CDS1: variants seen among roughly 807,000 people sequenced by gnomAD.
CDS1 encodes phosphatidate cytidylyltransferase 1.
In CDS1, 41 loss-of-function variants were observed where a neutral mutation model predicts 62.1. The observed-to-expected ratio is 0.66, with a 90% CI of 0.51 to 0.86. CDS1 has a LOEUF of 0.86. CDS1 is among the 40% of genes least tolerant of loss of function. The probability of loss-of-function intolerance (pLI) is 0.00; values close to 1 mark genes in which losing one functional copy is unlikely to be tolerated. For synonymous variants in CDS1, 185 were observed against 192.6 expected (o/e 0.96, Z 0.32); for missense variants, 470 against 550.1 (o/e 0.85, Z 1.46).
chr4:84,630,335 A>G (rs1279633510), intron 5 of CDS1, among the ~76,000 whole-genome samples: 5 of 152,100 alleles, frequency 3.3e-5, no homozygotes, highest in African/African-American at 1.2e-4. Flanking sequence ...ATGTGTCCCT[A>G]TTGCTTGTGC....
chr4:84,637,680 G>A (rs551405474), intron 8 of CDS1, among the ~76,000 whole-genome samples: 6 of 152,278 alleles, frequency 3.9e-5, no homozygotes, highest in Non-Finnish European at 7.4e-5. Context: ...TATAGCTGTG[G>A]AAGAATATTA....
At chr4:84,605,224 CA>C (rs1248998954) in intron 2 of CDS1, among the ~76,000 whole-genome samples, 8 of 152,148 alleles carry the variant, frequency 5.3e-5, no homozygotes, top group Non-Finnish European at 1.2e-4. Context: ...CCAAGACACA[CA>C]AATGTATATT....
At chr4:84,620,480 C>CCAAA (rs1385920378) in intron 5 of CDS1, among the ~76,000 whole-genome samples, 3 of 151,786 alleles carry the variant, frequency 2.0e-5, no homozygotes, top group Non-Finnish European at 2.9e-5. Context: ...CCTCAGCCTC[C>CCAAA]CAAAGTGCTG....
chr4:84,628,690 GCT>G (rs1242272652), intron 5 of CDS1, among the ~76,000 whole-genome samples: 1 of 152,104 alleles, frequency 6.6e-6, no homozygotes, highest in Non-Finnish European at 1.5e-5. Context: ...GTGCTGTCCT[GCT>G]CAGCTAATTT....
chr4:84,648,490 G>A (rs1228426404), intron 12 of CDS1, 67 bp from the exon 13 acceptor site: 1 of 1,413,750 alleles, frequency 7.1e-7, no homozygotes, highest in Non-Finnish European at 9.8e-7. Context: ...TTTTAAATTG[G>A]AGGTATGTGC....
In CDS1 at chr4:84,608,858, T is replaced by C. The variant is rs1405238432; in HGVS notation, c.246-571T>C. On this transcript the variant is annotated intron_variant, in intron 2 of 12. Coordinates refer to ENST00000295887, the MANE Select transcript of CDS1 (RefSeq NM_001263.4). ...CACCTAACGTCCTAACCTCACGGTTTATTCCCCACTCACATTTAACAAAAA... is the reference window on the plus strand; with the variant it reads ...CACCTAACGTCCTAACCTCACGGTTCATTCCCCACTCACATTTAACAAAAA... Among the ~76,000 whole-genome samples, 5 of 152,124 alleles carry C rather than the reference T, an allele frequency of 3.3e-5. No individual in the cohort carries two copies. The East Asian group carries it at 9.7e-4, about 30-fold the overall frequency.
intron 3 of CDS1, among the ~76,000 whole-genome samples, chr4:84,614,705 G>A (rs1042128047): frequency 1.3e-5 from 2 of 152,064 alleles, no homozygotes; most frequent in African/African-American, 4.8e-5. Context: ...TCTATGCAAA[G>A]CATTTTATTT....
At chr4:84,602,375 AC>A (rs1277642500) in intron 1 of CDS1, among the ~76,000 whole-genome samples, 1 of 152,208 alleles carries the variant, frequency 6.6e-6, no homozygotes, top group Non-Finnish European at 1.5e-5. Context: ...TGCAAAGTGG[AC>A]TTTGAAGTGG....
At chr4:84,595,776 CCTT>C (rs1279447390) in intron 1 of CDS1, among the ~76,000 whole-genome samples, 6 of 152,132 alleles carry the variant, frequency 3.9e-5, no homozygotes, top group Non-Finnish European at 8.8e-5. Context: ...GAGTGAAACT[CCTT>C]AATTTTCTCT....
rs1578060395 is a variant in CDS1 at position 84,649,504 on chromosome 4, T to C, written c.*818T>C. ...AAACGGTGACCTGTGGCCTGGGCCA[T>C]CTCTTCGTCATGTGCTTCACTTTTC... On this transcript the variant is annotated 3_prime_UTR_variant, in exon 13 of 13. Coordinates refer to ENST00000295887, the MANE Select transcript of CDS1 (RefSeq NM_001263.4). The C allele has an allele frequency of 6.5e-6, 1 of 153,002 alleles. No individual in the cohort carries two copies. The highest frequency in any genetic ancestry group is 1.9e-4 in the East Asian group (1 of 5,202). 9.5% of individuals were successfully genotyped at this position (153,002 alleles called of 1,614,324 possible).
intron 11 of CDS1, among the ~76,000 whole-genome samples, chr4:84,644,833 T>A (rs1014615323): frequency 1.3e-5 from 2 of 152,246 alleles, no homozygotes; most frequent in Non-Finnish European, 2.9e-5. Flanking sequence ...GAACCAGTTG[T>A]ACATCTTTTA....
rs1723606073 is a variant in CDS1 at position 84,619,479 on chromosome 4, C to G, written c.526C>G (p.Leu176Val). ...TACATTTGTTCAAAGAGAAGAACAA[C>G]TTCAGTTCCTCATTCGCTACCATAG... Reference protein sequence around the residue: ...FATFVQREEQLQFLIRYHRFI... With the variant: ...FATFVQREEQVQFLIRYHRFI... Residue 176 changes from leucine to valine, a missense_variant, in exon 5 of 13, where the codon CTT becomes GTT. Around this residue, in one of 5 missense-constraint regions of CDS1, gnomAD observed 214 missense variants for 242.4 expected, o/e 0.88. Coordinates refer to ENST00000295887, the MANE Select transcript of CDS1 (RefSeq NM_001263.4). 6.2e-7 allele frequency: 1 copy of G among 1,603,838 alleles called. No homozygotes were observed. The highest frequency in any genetic ancestry group is 1.3e-5 in the African/African-American group (1 of 74,736).
Position 84,635,327 on chromosome 4 carries a change from T to A in CDS1, c.786T>A (p.Phe262Leu). ...TAACTGCTTACCTTTTTGGATTTTT[T>A]TTTGGGAGAACTCCATTAATTAAGG... ...NDITAYLFGF[F>L]FGRTPLIKLS... is the part of the protein sequence containing the mutation. The change falls in exon 8 of 13, where the codon TTT (phenylalanine) becomes TTA (leucine). Residue 262 changes from phenylalanine (F) to leucine (L), a missense_variant. This residue lies in a region of CDS1 where 214 missense variants were observed against 242.4 expected (regional missense o/e 0.88). Transcript: ENST00000295887. The A allele has an allele frequency of 6.4e-7, 1 of 1,571,176 alleles. No homozygotes were observed. The highest frequency in any genetic ancestry group is 8.7e-7 in the Non-Finnish European group (1 of 1,145,028).
intron 1 of CDS1, among the ~76,000 whole-genome samples, chr4:84,597,407 G>A (rs1722783835): frequency 1.3e-5 from 2 of 152,128 alleles, no homozygotes; most frequent in Admixed American, 1.3e-4. Flanking sequence ...GGAGGCCAAG[G>A]TGGGAGGATT....
rs1381615614 is a variant in CDS1 at position 84,597,765 on chromosome 4, A to G, written c.118-6478A>G. On this transcript the variant is annotated intron_variant, in intron 1 of 12. Transcript: ENST00000295887. ...AGTTTAGTCCTTCTCCCCAGCACAG[A>G]TAGAAAGCAGTTCCTTCTCTTCACT... Among the ~76,000 whole-genome samples, 3 of 152,150 alleles carry G rather than the reference A, an allele frequency of 2.0e-5. No homozygotes were observed. In the East Asian group the frequency reaches 5.8e-4, roughly 29 times the overall value.
At chr4:84,611,254 G>A (rs1384540828) in intron 3 of CDS1, among the ~76,000 whole-genome samples, 1 of 152,230 alleles carries the variant, frequency 6.6e-6, no homozygotes, top group East Asian at 1.9e-4. Flanking sequence ...GCTGAGCATG[G>A]TTTGACAGCA....
intron 12 of CDS1, 30 bp from the exon 13 acceptor site, chr4:84,648,527 G>T: frequency 6.2e-7 from 1 of 1,605,654 alleles, no homozygotes; most frequent in South Asian, 1.1e-5. Flanking sequence ...AAAATAACAC[G>T]AACTTGTCTT....
rs1578046574 is a variant in CDS1 at position 84,631,543 on chromosome 4, A to G, written c.581-276A>G. On this transcript the variant is annotated intron_variant, in intron 5 of 12. Coordinates refer to ENST00000295887, the MANE Select transcript of CDS1 (RefSeq NM_001263.4). The stretch of plus-strand genomic sequence containing the variant: ...AATTTAAGATCTGTTTTCCATGCCC[A>G]CATATTAGCAGGGGACTAATTAATT... Among the ~76,000 whole-genome samples, 2 of 152,322 alleles carry G rather than the reference A, an allele frequency of 1.3e-5. 1 individual carries two copies. Among genetic ancestry groups the G allele is most frequent in the South Asian group, 4.1e-4 (2 of 4,828 alleles).
At chr4:84,613,069 T>C (rs1028094853) in intron 3 of CDS1, among the ~76,000 whole-genome samples, 1 of 151,412 alleles carries the variant, frequency 6.6e-6, no homozygotes, top group Non-Finnish European at 1.5e-5. Flanking sequence ...GTTTATTACA[T>C]ACACATACAT....
Sources: allele counts gnomAD v4.1 joint callset (sites outside exome capture counted in the v4.1 genomes callset), GRCh38; gene constraint gnomAD v4.1.1; regional missense constraint gnomAD v4.1.1; transcripts MANE v1.5; gene names NCBI Gene and HGNC (gene_info 2026-07-23, HGNC 2026-07-21).